CMIP: variants seen among roughly 807,000 people sequenced by gnomAD.
CMIP encodes c-Maf inducing protein.
Under a neutral mutation model 97.3 loss-of-function variants are expected in CMIP, and 13 were observed. The ratio of observed to expected loss-of-function variants is 0.13; its 90% CI spans 0.09 to 0.21. The LOEUF is 0.21. Ranked by LOEUF, CMIP falls within the 10% of genes least tolerant of loss-of-function variation. CMIP has a pLI of 1.00. For synonymous variants in CMIP, 538 were observed against 436.3 expected (o/e 1.23, Z -2.91); for missense variants, 847 against 1,024.9 (o/e 0.83, Z 2.37).
intron 1 of CMIP, among the ~76,000 whole-genome samples, chr16:81,498,453 C>T (rs758501740): frequency 2.9e-4 from 44 of 152,194 alleles, no homozygotes; most frequent in Non-Finnish European, 1.3e-4. Flanking sequence ...TGGGGCTGCT[C>T]GGCAGCTCTG....
chr16:81,634,235 A>G (rs1435850215), intron 3 of CMIP, among the ~76,000 whole-genome samples: 1 of 152,208 alleles, frequency 6.6e-6, no homozygotes, highest in Non-Finnish European at 1.5e-5. Context: ...ATAAACATCT[A>G]TTGAGTGCCT....
chr16:81,699,834 G>T (rs781337251), intron 15 of CMIP, 33 bp downstream of exon 15: 1 of 1,441,448 alleles, frequency 6.9e-7, no homozygotes, highest in Admixed American at 1.8e-5. Context: ...TGGTGGGGTG[G>T]CTGGCTCCCC....
chr16:81,537,546 C>CAAAAAAAAAA (rs397695977), intron 1 of CMIP, among the ~76,000 whole-genome samples: 171 of 82,054 alleles, frequency 2.1e-3, no homozygotes, highest in Non-Finnish European at 2.6e-3. Flanking sequence ...AAAAAAAAGA[C>CAAAAAAAAAA]AAAAAAAAAA....
intron 1 of CMIP, among the ~76,000 whole-genome samples, chr16:81,481,955 T>A (rs1454153015): frequency 1.3e-5 from 2 of 151,140 alleles, no homozygotes; most frequent in African/African-American, 4.9e-5. Context: ...CTTGGCTCAC[T>A]GCAACCTCTG....
At chr16:81,602,051 G>A (rs2091666840) in intron 1 of CMIP, among the ~76,000 whole-genome samples, 1 of 152,180 alleles carries the variant, frequency 6.6e-6, no homozygotes. Context: ...CCTAAATATA[G>A]GGTAGAAAAA....
intron 10 of CMIP, among the ~76,000 whole-genome samples, chr16:81,688,027 C>T (rs561227471): frequency 2.6e-5 from 4 of 152,226 alleles, no homozygotes; most frequent in East Asian, 1.9e-4. Context: ...GCGCAGGCAG[C>T]GCAGAGCGAA....
At chr16:81,594,579 T>C (rs1447874336) in intron 1 of CMIP, among the ~76,000 whole-genome samples, 1 of 152,130 alleles carries the variant, frequency 6.6e-6, no homozygotes, top group African/African-American at 2.4e-5. Context: ...ACTGTGTTTT[T>C]TCCTAAACAT....
intron 1 of CMIP, among the ~76,000 whole-genome samples, chr16:81,546,028 C>T (rs952264440): frequency 6.6e-6 from 1 of 152,090 alleles, no homozygotes; most frequent in South Asian, 2.1e-4. Context: ...AAATGGCGCT[C>T]GCTGTGAATA....
intron 7 of CMIP, among the ~76,000 whole-genome samples, chr16:81,668,868 A>C (rs1246647639): frequency 7.2e-6 from 1 of 138,666 alleles, no homozygotes; most frequent in African/African-American, 2.8e-5. Context: ...TTCCACACCC[A>C]CCTCACACTC....
intron 7 of CMIP, among the ~76,000 whole-genome samples, chr16:81,667,619 G>T (rs939743280): frequency 4.6e-5 from 7 of 152,172 alleles, no homozygotes; most frequent in African/African-American, 1.7e-4. Flanking sequence ...CGTGGTGGAA[G>T]GGGGCTAGAG....
At chr16:81,557,017 A>C (rs899568392) in intron 1 of CMIP, among the ~76,000 whole-genome samples, 1 of 152,206 alleles carries the variant, frequency 6.6e-6, no homozygotes, top group Non-Finnish European at 1.5e-5. Flanking sequence ...AGTTCACGCA[A>C]AGTGTCCGGG....
intron 9 of CMIP, among the ~76,000 whole-genome samples, chr16:81,676,287 T>C (rs1904307045): frequency 6.6e-6 from 1 of 152,046 alleles, no homozygotes; most frequent in African/African-American, 2.4e-5. Flanking sequence ...TGCCAACACG[T>C]TTCGTGGGCT....
intron 1 of CMIP, among the ~76,000 whole-genome samples, chr16:81,599,102 GAC>G (rs1337330443): frequency 6.6e-6 from 1 of 151,742 alleles, no homozygotes; most frequent in Non-Finnish European, 1.5e-5. Context: ...ATACAAAATA[GAC>G]ACAGTCACCC....
chr16:81,650,638 TCTC>T (rs1188478231), intron 3 of CMIP, among the ~76,000 whole-genome samples: 1 of 152,108 alleles, frequency 6.6e-6, no homozygotes, highest in Non-Finnish European at 1.5e-5. Context: ...TTACGTTTCA[TCTC>T]CTTCAGTTTT....
chr16:81,598,569 T>C (rs563528570), intron 1 of CMIP, among the ~76,000 whole-genome samples: 35 of 152,342 alleles, frequency 2.3e-4, no homozygotes, highest in African/African-American at 7.9e-4. Flanking sequence ...AAGAGGGATG[T>C]ATTTTTCTCC....
At chr16:81,600,739 T>G (rs2091643856) in intron 1 of CMIP, among the ~76,000 whole-genome samples, 1 of 152,184 alleles carries the variant, frequency 6.6e-6, no homozygotes, top group Non-Finnish European at 1.5e-5. Context: ...TAGTTTTACG[T>G]TCTGTGAATT....
At chr16:81,474,725 C>T (rs2150750265) in intron 1 of CMIP, among the ~76,000 whole-genome samples, 1 of 152,348 alleles carries the variant, frequency 6.6e-6, no homozygotes, top group African/African-American at 2.4e-5. Context: ...TGGCGCCCTC[C>T]TCCTGGGGCT....
chr16:81,658,020 T>C (rs992688032), intron 5 of CMIP, among the ~76,000 whole-genome samples: 2 of 152,188 alleles, frequency 1.3e-5, no homozygotes, highest in Non-Finnish European at 2.9e-5. Flanking sequence ...GGGAGTGTAA[T>C]TGTCTGTCTT....
intron 3 of CMIP, among the ~76,000 whole-genome samples, chr16:81,635,564 A>T (rs370426556): frequency 6.6e-6 from 1 of 152,074 alleles, no homozygotes; most frequent in African/African-American, 2.4e-5. Context: ...TGAAATGAGG[A>T]CCCCACAAAA....
Sources: allele counts gnomAD v4.1 joint callset (sites outside exome capture counted in the v4.1 genomes callset), GRCh38; gene constraint gnomAD v4.1.1; transcripts MANE v1.5; gene names NCBI Gene and HGNC (gene_info 2026-07-23, HGNC 2026-07-21).